The following GABRG3 variants were observed in gnomAD, a reference collection of about 807,000 sequenced individuals.
The protein encoded by GABRG3 is gamma-aminobutyric acid type A receptor subunit gamma3, also known as gamma-aminobutyric acid receptor subunit gamma-3.
In GABRG3, 25 loss-of-function variants were observed where a neutral mutation model predicts 48.8. The ratio of observed to expected loss-of-function variants is 0.51; its 90% CI spans 0.37 to 0.72. The LOEUF (loss-of-function observed/expected upper bound fraction) is 0.72, where lower values mean the gene tolerates loss of function less well. Among genes scored for constraint, GABRG3 ranks in the 30% least tolerant of loss-of-function variants. The pLI is 0.00. For missense variants in GABRG3, 394 were observed against 577.9 expected, an observed-to-expected ratio of 0.68 and a Z score of 3.26; for synonymous variants, 227 against 217.6, an observed-to-expected ratio of 1.04 and a Z score of -0.38.
chr15:27,033,274 G>C (rs1646645245), intron 3 of GABRG3, among the ~76,000 whole-genome samples: 1 of 152,062 alleles, frequency 6.6e-6, no homozygotes, highest in South Asian at 2.1e-4. Context: ...GTTTACCATG[G>C]TGAGCCTGCT....
In GABRG3 at chr15:27,480,737, T is replaced by G; in HGVS notation, c.662T>G (p.Phe221Cys). The G allele has an allele frequency of 6.2e-7, 1 of 1,613,766 alleles. No individual in the cohort carries two copies. The highest frequency in any genetic ancestry group is 8.5e-7 in the Non-Finnish European group (1 of 1,179,808). ...ADQKSWRLYQ[F>C]DFMGLRNTTE... Reference sequence around the variant, plus strand: ...CAGAAATCATGGCGGCTTTATCAGTTTGACTTCATGGGCCTCAGAAACACC... The same window carrying G: ...CAGAAATCATGGCGGCTTTATCAGTGTGACTTCATGGGCCTCAGAAACACC... The change falls in exon 6 of 10, where the codon TTT (phenylalanine) becomes TGT (cysteine). Residue 221 changes from phenylalanine (F) to cysteine (C), a missense_variant. This residue lies in a region of GABRG3 where 218 missense variants were observed against 309.9 expected (regional missense o/e 0.70). Coordinates refer to ENST00000615808, the MANE Select transcript of GABRG3 (RefSeq NM_033223.5).
In GABRG3 at chr15:27,328,298, G is replaced by A. The variant is rs202086270; in HGVS notation, c.492-508G>A. Among the ~76,000 whole-genome samples, 8 of 152,294 alleles carry A rather than the reference G, an allele frequency of 5.3e-5. No homozygotes were observed. In the East Asian group the frequency reaches 1.6e-3, roughly 30 times the overall value. The stretch of plus-strand genomic sequence containing the variant: ...AAGACCTGGCCAGTTCTGGAACCCC[G>A]TGTAGACACTGAAATATGGGGCTGC... On this transcript the variant is annotated intron_variant, in intron 4 of 9. Coordinates refer to ENST00000615808, the MANE Select transcript of GABRG3 (RefSeq NM_033223.5).
intron 3 of GABRG3, among the ~76,000 whole-genome samples, chr15:27,216,737 T>C (rs577858498): frequency 7.3e-6 from 1 of 137,452 alleles, no homozygotes; most frequent in African/African-American, 2.8e-5. Flanking sequence ...TCATTTCTTT[T>C]TTTTTTTTTA....
chr15:27,237,407 GT>G (rs1260836460), intron 3 of GABRG3, among the ~76,000 whole-genome samples: 9 of 152,210 alleles, frequency 5.9e-5, no homozygotes, highest in African/African-American at 2.2e-4. Context: ...CTTTTGAAAT[GT>G]GTCCAGTCCT....
chr15:27,019,447 T>G (rs1895846592), intron 2 of GABRG3, among the ~76,000 whole-genome samples: 1 of 152,164 alleles, frequency 6.6e-6, no homozygotes, highest in Non-Finnish European at 1.5e-5. Context: ...TCTGCTTTGG[T>G]GAAGCTGCAG....
Position 27,457,052 on chromosome 15 carries a change from T to C in GABRG3, c.575-23598T>C, listed in dbSNP as rs187278292. Reference sequence around the variant, plus strand: ...ACCTGTGACAGCAGGGGTGTGGAAGTAGAAGGAGCTGGAGGAGGGGAGCTG... The same window carrying C: ...ACCTGTGACAGCAGGGGTGTGGAAGCAGAAGGAGCTGGAGGAGGGGAGCTG... On this transcript the variant is annotated intron_variant, in intron 5 of 9. Transcript: ENST00000615808. The surrounding 1 kb of genome is among the most constrained non-coding windows in gnomAD (Gnocchi z 4.4). 4.3e-4 allele frequency among the ~76,000 whole-genome samples: 65 copies of C among 152,162 alleles called. No homozygotes were observed. The highest frequency in any genetic ancestry group is 1.5e-3 in the African/African-American group (62 of 41,542).
chr15:27,479,136 A>C lies in GABRG3; in HGVS notation c.575-1514A>C, dbSNP rs149125535. 5.0e-3 allele frequency among the ~76,000 whole-genome samples: 761 copies of C among 152,306 alleles called. 6 individuals are homozygous for C. Among genetic ancestry groups the C allele is most frequent in the African/African-American group, 0.017 (720 of 41,572 alleles). On this transcript the variant is annotated intron_variant, in intron 5 of 9. Coordinates refer to ENST00000615808, the MANE Select transcript of GABRG3 (RefSeq NM_033223.5). ...ATTCAGAGAATATGTGAAAAAAAAA[A>C]AACCCTGATTTGGACACATTAAATG... is the stretch of plus-strand genomic sequence containing the variant.
chr15:27,065,713 T>C (rs1896726800), intron 3 of GABRG3, among the ~76,000 whole-genome samples: 2 of 152,190 alleles, frequency 1.3e-5, no homozygotes, highest in Admixed American at 1.3e-4. Context: ...CTTCCGGCAG[T>C]CACCGGGGTC....
chr15:27,204,472 A>G (rs185080447), intron 3 of GABRG3, among the ~76,000 whole-genome samples: 151 of 152,208 alleles, frequency 9.9e-4, no homozygotes, highest in Non-Finnish European at 1.9e-3. Context: ...TGATAGTGTG[A>G]TGCTTCCAGC....
chr15:27,380,818 T>G (rs1289951175), intron 5 of GABRG3, among the ~76,000 whole-genome samples: 2 of 147,010 alleles, frequency 1.4e-5, no homozygotes, highest in African/African-American at 2.5e-5. Flanking sequence ...CAGGCTGGAG[T>G]GCAGTGGCGT....
chr15:27,013,618 G>C (rs1595472347), intron 2 of GABRG3, among the ~76,000 whole-genome samples: 1 of 152,034 alleles, frequency 6.6e-6, no homozygotes, highest in Non-Finnish European at 1.5e-5. Context: ...ATCATTTATA[G>C]AGACTGTCCT....
intron 3 of GABRG3, among the ~76,000 whole-genome samples, chr15:27,235,562 C>A (rs1030424639): frequency 8.5e-5 from 13 of 152,106 alleles, no homozygotes; most frequent in Admixed American, 6.5e-4. Context: ...GGGTTTGGAT[C>A]CCTAAAGAAG....
chr15:26,978,377 G>A (rs899251670), intron 2 of GABRG3, among the ~76,000 whole-genome samples: 1 of 151,888 alleles, frequency 6.6e-6, no homozygotes, highest in Non-Finnish European at 1.5e-5. Context: ...TGCTTTTAGA[G>A]TATTGTCTAA....
At chr15:27,020,378 T>C (rs1895866231) in intron 2 of GABRG3, among the ~76,000 whole-genome samples, 1 of 152,226 alleles carries the variant, frequency 6.6e-6, no homozygotes, top group Non-Finnish European at 1.5e-5. Context: ...ATTGGTCCTG[T>C]AGCTCTTCTG....
chr15:26,987,151 G>A (rs551404559), intron 2 of GABRG3, among the ~76,000 whole-genome samples: 4 of 152,254 alleles, frequency 2.6e-5, no homozygotes, highest in Non-Finnish European at 5.9e-5. Flanking sequence ...TCAGCTACTC[G>A]GGAGGCTGAG....
At chr15:27,393,343 C>G (rs1887202864) in intron 5 of GABRG3, among the ~76,000 whole-genome samples, 1 of 90,882 alleles carries the variant, frequency 1.1e-5, no homozygotes, top group Non-Finnish European at 2.2e-5. Flanking sequence ...GACTCCGTCT[C>G]CAAAAAAAAA....
At position 27,255,798 on chromosome 15, in the gene GABRG3, C is replaced by T. The variant is rs118109344; in HGVS notation, c.271-71011C>T. ...GGCTGGTAGCCAGGTCTGCTGCCTTCAGGGTGGGCAGGTTCTGGGGATGCA... is the reference window on the plus strand; with the variant it reads ...GGCTGGTAGCCAGGTCTGCTGCCTTTAGGGTGGGCAGGTTCTGGGGATGCA... On this transcript the variant is annotated intron_variant, in intron 3 of 9. Transcript: ENST00000615808. Among the ~76,000 whole-genome samples the T allele has an allele frequency of 2.0e-3, 301 of 152,306 alleles. 1 individual carries two copies. The highest frequency in any genetic ancestry group is 4.8e-3 in the South Asian group (23 of 4,830).
rs545850661 is a variant in GABRG3 at position 27,243,158 on chromosome 15, A to G, written c.271-83651A>G. ...CTGCCTCTAGTGATAAAGAACACTC[A>G]TAATACAACCCCCTTCTTATAATCA... is the stretch of plus-strand genomic sequence containing the variant. On this transcript the variant is annotated intron_variant, in intron 3 of 9. Transcript: ENST00000615808. 1.5e-4 allele frequency among the ~76,000 whole-genome samples: 23 copies of G among 152,344 alleles called. No individual in the cohort carries two copies. The East Asian group carries it at 4.4e-3, about 29-fold the overall frequency.
chr15:27,181,826 CT>C (rs1325534656), intron 3 of GABRG3, among the ~76,000 whole-genome samples: 10 of 151,960 alleles, frequency 6.6e-5, no homozygotes, highest in African/African-American at 1.9e-4. Flanking sequence ...TGTTTCTGGG[CT>C]TTTTTTATTC....
Sources: allele counts gnomAD v4.1 joint callset (sites outside exome capture counted in the v4.1 genomes callset), GRCh38; gene constraint gnomAD v4.1.1; regional missense constraint gnomAD v4.1.1; non-coding constraint Gnocchi (gnomAD v3.1); transcripts MANE v1.5; gene names NCBI Gene and HGNC (gene_info 2026-07-23, HGNC 2026-07-21).